Variants in ANXA2 observed in about 807,000 individuals in gnomAD.
ANXA2 encodes the protein annexin A2.
ANXA2 carries 28 observed loss-of-function variants against 47.3 expected under a neutral mutation model. That is an observed-to-expected ratio of 0.59 (90% CI 0.44 to 0.81). The LOEUF (loss-of-function observed/expected upper bound fraction) is 0.81. ANXA2 is among the 40% of genes least tolerant of loss of function. ANXA2 has a pLI of 0.00. For synonymous variants in ANXA2, 172 were observed against 155.5 expected (o/e 1.11, Z -0.79); for missense variants, 384 against 414.3 (o/e 0.93, Z 0.64).
Position 60,352,290 on chromosome 15 carries a change from T to C in ANXA2, c.682+93A>G. The C allele has an allele frequency of 1.3e-6, 1 of 798,428 alleles. No individual in the cohort carries two copies. Among genetic ancestry groups the C allele is most frequent in the Non-Finnish European group, 2.1e-6 (1 of 485,966 alleles). The allele number at this position is 798,428 out of a possible 1,614,324, so 49.5% of individuals were successfully genotyped here. On this transcript the variant is annotated intron_variant, in intron 9 of 12. Coordinates refer to ENST00000451270, the MANE Select transcript of ANXA2 (RefSeq NM_004039.3). This position sits in a 1 kb window ranked among gnomAD's most constrained non-coding sequence, Gnocchi z 4.2. ...GAGAGTGCCAAGCGGAGACAGAACC[T>C]CATTCTGGCAGACTCCATCCCAACA... is the stretch of plus-strand genomic sequence containing the variant.
chr15:60,361,788 G>A (rs371125907), intron 4 of ANXA2, among the ~76,000 whole-genome samples: 1 of 152,116 alleles, frequency 6.6e-6, no homozygotes, highest in East Asian at 1.9e-4. Flanking sequence ...CAGCACCCAT[G>A]TATGTAGACA....
chr15:60,387,443 A>T (rs1417796298), intron 1 of ANXA2, among the ~76,000 whole-genome samples: 1 of 152,256 alleles, frequency 6.6e-6, no homozygotes, highest in Non-Finnish European at 1.5e-5. Flanking sequence ...ACATTCAGAC[A>T]TGGAATATTA....
chr15:60,373,659 G>T (rs1169955625), intron 3 of ANXA2, among the ~76,000 whole-genome samples: 1 of 152,190 alleles, frequency 6.6e-6, no homozygotes, highest in South Asian at 2.1e-4. Flanking sequence ...GAAACTCCAT[G>T]GGACTCAGAC....
chr15:60,351,406 T>C, intron 10 of ANXA2, 155 bp from the exon 11 acceptor site: 1 of 730,138 alleles, frequency 1.4e-6, no homozygotes, highest in South Asian at 1.8e-5. Context: ...AATCTAGAAA[T>C]CCTCTGCAAT....
intron 3 of ANXA2, 137 bp downstream of exon 3, chr15:60,382,204 GC>G (rs1234833664): frequency 1.6e-6 from 1 of 618,346 alleles, no homozygotes; most frequent in East Asian, 2.8e-5. Flanking sequence ...CATGGGTTGA[GC>G]TAGGTCTGGA....
At chr15:60,374,613 GC>G (rs1483012019) in intron 3 of ANXA2, 2 of 456,088 alleles carry the variant, frequency 4.4e-6, no homozygotes, top group Non-Finnish European at 8.8e-6. Context: ...GAAAGCTGAT[GC>G]TTACAATTAG....
At chr15:60,388,394 G>T (rs1021231037) in intron 1 of ANXA2, among the ~76,000 whole-genome samples, 1 of 152,042 alleles carries the variant, frequency 6.6e-6, no homozygotes, top group African/African-American at 2.4e-5. Flanking sequence ...TTCTTTCTTG[G>T]TAAAGGCAGG....
chr15:60,356,726 A>C (rs1288550687), intron 6 of ANXA2, among the ~76,000 whole-genome samples: 1 of 152,226 alleles, frequency 6.6e-6, no homozygotes, highest in East Asian at 1.9e-4. Flanking sequence ...TATACTGCTA[A>C]GTGTGCACCA....
At chr15:60,361,355 C>T (rs1295635970) in intron 4 of ANXA2, 2 of 348,844 alleles carry the variant, frequency 5.7e-6, no homozygotes, top group Non-Finnish European at 1.1e-5. Context: ...AGTGCAGGCA[C>T]TTTGCAATAT....
chr15:60,373,932 G>T (rs1438033773), intron 3 of ANXA2, among the ~76,000 whole-genome samples: 2 of 152,206 alleles, frequency 1.3e-5, no homozygotes, highest in Non-Finnish European at 2.9e-5. Flanking sequence ...GAGTAGTCCA[G>T]TTACATGACA....
intron 1 of ANXA2, chr15:60,397,386 G>C (rs1264815237): frequency 1.1e-6 from 1 of 922,480 alleles, no homozygotes; most frequent in African/African-American, 1.8e-5. Context: ...TTTTATGGGG[G>C]GCTGAGGGGT....
chr15:60,385,105 T>C (rs949355694), intron 2 of ANXA2, among the ~76,000 whole-genome samples: 1 of 152,262 alleles, frequency 6.6e-6, no homozygotes, highest in African/African-American at 2.4e-5. Context: ...ATTTCTAGGT[T>C]CACATATTTC....
chr15:60,385,198 T>C (rs2062916243), intron 2 of ANXA2, among the ~76,000 whole-genome samples: 1 of 152,246 alleles, frequency 6.6e-6, no homozygotes, highest in African/African-American at 2.4e-5. Context: ...ATAATTTCAT[T>C]ATATTCTTGG....
intron 3 of ANXA2, among the ~76,000 whole-genome samples, chr15:60,365,395 A>C (rs1379408556): frequency 1.3e-5 from 2 of 152,204 alleles, no homozygotes; most frequent in Non-Finnish European, 1.5e-5. Flanking sequence ...TCAGAATGTG[A>C]AAAGTCTCTC....
intron 1 of ANXA2, among the ~76,000 whole-genome samples, chr15:60,395,483 A>C (rs2063069579): frequency 6.6e-6 from 1 of 152,218 alleles, no homozygotes; most frequent in Non-Finnish European, 1.5e-5. Flanking sequence ...GTGAGAACAA[A>C]GGCTCCAGAC....
chr15:60,373,625 T>C lies in ANXA2; in HGVS notation c.148+8717A>G, dbSNP rs112165518. ...ATGCCAGGGGAGGCCTCTGGATAAG[T>C]AGCAGCCACAATATAGTGCTTTGGA... On this transcript the variant is annotated intron_variant, in intron 3 of 12. Coordinates refer to ENST00000451270, the MANE Select transcript of ANXA2 (RefSeq NM_004039.3). Among the ~76,000 whole-genome samples the C allele has an allele frequency of 4.4e-3, 667 of 152,298 alleles. 3 individuals are homozygous for C. The highest frequency in any genetic ancestry group is 0.015 in the African/African-American group (637 of 41,560).
chr15:60,388,515 A>G (rs931260428), intron 1 of ANXA2, among the ~76,000 whole-genome samples: 1 of 151,826 alleles, frequency 6.6e-6, no homozygotes, highest in Admixed American at 6.6e-5. Context: ...TATATTGATC[A>G]TATATTACAA....
chr15:60,358,521 C>CT (rs1566933805), intron 5 of ANXA2, among the ~76,000 whole-genome samples: 1 of 152,192 alleles, frequency 6.6e-6, no homozygotes, highest in African/African-American at 2.4e-5. Context: ...AACTTATTAG[C>CT]GTTTATATGC....
intron 2 of ANXA2, chr15:60,384,481 AT>A (rs1354701758): frequency 1.3e-5 from 2 of 152,148 alleles, no homozygotes; most frequent in African/African-American, 4.8e-5. Flanking sequence ...AACATGTGAC[AT>A]TTTCTATTTC....
Sources: allele counts gnomAD v4.1 joint callset (sites outside exome capture counted in the v4.1 genomes callset), GRCh38; gene constraint gnomAD v4.1.1; non-coding constraint Gnocchi (gnomAD v3.1); transcripts MANE v1.5; gene names NCBI Gene and HGNC (gene_info 2026-07-23, HGNC 2026-07-21).